KRT25: variants seen among roughly 807,000 people sequenced by gnomAD.
KRT25 encodes the protein keratin, type I cytoskeletal 25.
A neutral mutation model predicts 47.6 loss-of-function variants in KRT25; 37 were observed. The observed-to-expected ratio is 0.78, with a 90% CI of 0.60 to 1.02. KRT25 has a LOEUF of 1.02. Among genes scored for constraint, KRT25 ranks in the 50% least tolerant of loss-of-function variants. The pLI, the probability that KRT25 is intolerant of heterozygous loss-of-function variation, is 0.00. For synonymous variants in KRT25, 203 were observed against 210.2 expected, an observed-to-expected ratio of 0.97 and a Z score of 0.30; for missense variants, 542 against 550.3, an observed-to-expected ratio of 0.98 and a Z score of 0.15.
chr17:40,754,933 G>A lies in KRT25; in HGVS notation c.339C>T (p.Gly113=), dbSNP rs150885868. ...ANADLEQKIK[G]WYEKFGPGSC... ...AGCCAGGCCCAAATTTCTCATACCAGCCCTTGATCTTCTGCTCCAGGTCAG... is the reference window on the plus strand; with the variant it reads ...AGCCAGGCCCAAATTTCTCATACCAACCCTTGATCTTCTGCTCCAGGTCAG... The change falls in exon 1 of 8, where the codon GGC becomes GGT. Residue 113 remains glycine, a synonymous_variant. Coordinates refer to ENST00000312150, the MANE Select transcript of KRT25 (RefSeq NM_181534.4). 832 of 1,614,134 alleles carry A rather than the reference G, an allele frequency of 5.2e-4. No homozygotes were observed. The highest frequency in any genetic ancestry group is 8.0e-4 in the Admixed American group (48 of 60,022).
In KRT25 at chr17:40,754,490, T is replaced by C. The variant is rs1014891450; in HGVS notation, c.430-22A>G. The C allele has an allele frequency of 3.8e-6, 6 of 1,597,952 alleles. No homozygotes were observed. The South Asian group carries it at 6.6e-5, about 18-fold the overall frequency. ...TGATCTAGAAATGGGAATTTGACTT[T>C]TATCATGAAGTAAACCAACTGAATC... On this transcript the variant is annotated intron_variant, in intron 1 of 7. Transcript: ENST00000312150.
In KRT25 at chr17:40,754,383, T is replaced by C; in HGVS notation, c.512+3A>G. On this transcript the variant is annotated splice_donor_region_variant and intron_variant, in intron 2 of 7. Coordinates refer to ENST00000312150, the MANE Select transcript of KRT25 (RefSeq NM_181534.4). Reference sequence around the variant, plus strand: ...ATTCATTTCACTCTGGCAGTCTACTTACTTGAGTCTGAAATCATCAGCTGT... The same window carrying C: ...ATTCATTTCACTCTGGCAGTCTACTCACTTGAGTCTGAAATCATCAGCTGT... The C allele has an allele frequency of 1.2e-6, 2 of 1,611,486 alleles. No homozygotes were observed. The highest frequency in any genetic ancestry group is 2.2e-5 in the South Asian group (2 of 90,998).
At chr17:40,748,446 C>T (rs763749392) in intron 7 of KRT25, 60 bp from the exon 8 acceptor site, 56 of 1,083,004 alleles carry the variant, frequency 5.2e-5, no homozygotes, top group Middle Eastern at 2.4e-4. Flanking sequence ...AAAATTATAT[C>T]ATTTAAAGGA....
At position 40,751,446 on chromosome 17, in the gene KRT25, C is replaced by T. The variant is rs1166465723; in HGVS notation, c.670-120G>A. ...TTCCCCTCCCAGGCTGTGCATTGAC[C>T]CCCTCCCACCACATTTGATACTTCC... On this transcript the variant is annotated intron_variant, in intron 3 of 7. Transcript: ENST00000312150. The T allele has an allele frequency of 2.9e-6, 3 of 1,048,968 alleles. No homozygotes were observed. In the Admixed American group the frequency reaches 8.8e-5, roughly 31 times the overall value. 65.0% of individuals were successfully genotyped at this position (1,048,968 alleles called of 1,614,324 possible).
At chr17:40,750,357 T>A (rs761614189) in intron 6 of KRT25, 23 bp downstream of exon 6, 14 of 1,611,060 alleles carry the variant, frequency 8.7e-6, no homozygotes, top group Non-Finnish European at 1.2e-5. Flanking sequence ...TATTACGCCA[T>A]CTATGCAGAT....
At position 40,754,465 on chromosome 17, in the gene KRT25, T is replaced by A; in HGVS notation, c.433A>T (p.Ile145Phe). The change falls in exon 2 of 8, where the codon ATC (isoleucine) becomes TTC (phenylalanine). Residue 145 changes from isoleucine (I) to phenylalanine (F), a missense_variant. Transcript: ENST00000312150. The part of the protein sequence containing the change: ...PIIDDLKNQI[I>F]ASTTSNANAV... Reference sequence around the variant, plus strand: ...TTAGCATTGCTGGTGGTGGATGCGATGATCTAGAAATGGGAATTTGACTTT... The same window carrying A: ...TTAGCATTGCTGGTGGTGGATGCGAAGATCTAGAAATGGGAATTTGACTTT... The A allele has an allele frequency of 1.9e-6, 3 of 1,613,538 alleles. No individual in the cohort carries two copies. The highest frequency in any genetic ancestry group is 2.5e-6 in the Non-Finnish European group (3 of 1,179,518).
chr17:40,750,232 C>T, intron 6 of KRT25, 148 bp downstream of exon 6: 1 of 751,122 alleles, frequency 1.3e-6, no homozygotes, highest in Non-Finnish European at 2.2e-6. Context: ...TGTATTTTGG[C>T]AGTTGAGTAT....
intron 5 of KRT25, 129 bp downstream of exon 5, chr17:40,750,825 T>G (rs2038039117): frequency 7.6e-7 from 1 of 1,312,354 alleles, no homozygotes; most frequent in Non-Finnish European, 1.1e-6. Context: ...TACAATCCTA[T>G]TCTTTCCTTA....
chr17:40,748,374 G>A lies in KRT25; in HGVS notation c.1256C>T (p.Ala419Val), dbSNP rs1487777777. 1 of 1,609,802 alleles carries A rather than the reference G, an allele frequency of 6.2e-7. No homozygotes were observed. Among genetic ancestry groups the A allele is most frequent in the African/African-American group, 1.3e-5 (1 of 74,848 alleles). The part of the protein sequence containing the change: ...VGSQVKDPAK[A>V]IVVKKVLEEV... The stretch of plus-strand genomic sequence containing the variant: ...CTCAAGAACTTTCTTAACCACTATG[G>A]CTTTGGCTGGGTCTGAGCATTAAAA... The change falls in exon 8 of 8, where the codon GCC becomes GTC. Residue 419 changes from alanine (A) to valine (V), a missense_variant. Transcript: ENST00000312150.
In KRT25 at chr17:40,753,860, C is replaced by A; in HGVS notation, c.669G>T (p.Glu223Asp). The A allele has an allele frequency of 6.2e-7, 1 of 1,613,854 alleles. No individual in the cohort carries two copies. Among genetic ancestry groups the A allele is most frequent in the Non-Finnish European group, 8.5e-7 (1 of 1,179,900 alleles). ...EMTYLKKNHK[E>D]EMQVLQCAAG... is the part of the protein sequence containing the mutation. ...CAAAATGTAGACGACCAGCTCTTAC[C>A]TCTTTATGGTTCTTTTTGAGGTAAG... Residue 223 changes from glutamate (E) to aspartate (D), a missense_variant and splice_region_variant, in exon 3 of 8, where the codon GAG (glutamate) becomes GAT (aspartate). Coordinates refer to ENST00000312150, the MANE Select transcript of KRT25 (RefSeq NM_181534.4).
At position 40,750,573 on chromosome 17, in the gene KRT25, T is replaced by C. The variant is rs774691710; in HGVS notation, c.982A>G (p.Thr328Ala). The stretch of plus-strand genomic sequence containing the variant: ...GCACAGTAGTTGCTCTCGGTCTCTG[T>C]CAAGGAGCACTCCAGGGAGTGTTTC... ...ATKHSLECSL[T>A]ETESNYCAQL... is the part of the protein sequence containing the mutation. The change falls in exon 6 of 8, where the codon ACA (threonine) becomes GCA (alanine). Residue 328 changes from threonine (T) to alanine (A), a missense_variant. Transcript: ENST00000312150. 3 of 1,614,078 alleles carry C rather than the reference T, an allele frequency of 1.9e-6. No homozygotes were observed. The highest frequency in any genetic ancestry group is 1.1e-5 in the South Asian group (1 of 91,078).
rs191470174 is a variant in KRT25, at chr17:40,748,436, A to C, written c.1244-50T>G. 5.2e-4 allele frequency: 619 copies of C among 1,188,110 alleles called. 1 individual carries two copies. The African/African-American group carries it at 8.7e-3, about 17-fold the overall frequency. The allele number at this position is 1,188,110 out of a possible 1,614,324, so 73.6% of individuals were successfully genotyped here. Reference sequence around the variant, plus strand: ...ATTTTATGTAGTTAAAAAAAGAATAAAAATTATATCATTTAAAGGAATAAT... The same window carrying C: ...ATTTTATGTAGTTAAAAAAAGAATACAAATTATATCATTTAAAGGAATAAT... On this transcript the variant is annotated intron_variant, in intron 7 of 7. Coordinates refer to ENST00000312150, the MANE Select transcript of KRT25 (RefSeq NM_181534.4).
chr17:40,750,942 T>G lies in KRT25; in HGVS notation c.957+12A>C, dbSNP rs2038040110. The G allele has an allele frequency of 1.2e-6, 2 of 1,613,086 alleles. No homozygotes were observed. The highest frequency in any genetic ancestry group is 1.7e-5 in the Admixed American group (1 of 59,902). ...CCTGGGAGATGGTGAAAAAAAATTG[T>G]TCTTTTCATACCGTGGCTAGGAGAG... On this transcript the variant is annotated intron_variant, in intron 5 of 7. Coordinates refer to ENST00000312150, the MANE Select transcript of KRT25 (RefSeq NM_181534.4).
Position 40,751,300 on chromosome 17 carries a change from A to C in KRT25, c.696T>G (p.Ala232=). The change falls in exon 4 of 8, where the codon GCT becomes GCG. Residue 232 remains alanine (A), a synonymous_variant. Coordinates refer to ENST00000312150, the MANE Select transcript of KRT25 (RefSeq NM_181534.4). ...KEEMQVLQCA[A]GGNVNVEMNA... is the part of the protein sequence containing the mutation. ...TCATCTCCACGTTCACGTTGCCTCC[A>C]GCTGCGCACTGCAGAACTTGCATTT... 1 of 1,613,356 alleles carries C rather than the reference A, an allele frequency of 6.2e-7. No individual in the cohort carries two copies. Among genetic ancestry groups the C allele is most frequent in the Non-Finnish European group, 8.5e-7 (1 of 1,179,670 alleles).
At chr17:40,751,440 A>G (rs1050091135) in intron 3 of KRT25, 114 bp from the exon 4 acceptor site, 5 of 1,148,214 alleles carry the variant, frequency 4.4e-6, no homozygotes, top group Admixed American at 2.9e-5. Flanking sequence ...CAGGCTGTGC[A>G]TTGACCCCCT....
intron 2 of KRT25, 122 bp downstream of exon 2, chr17:40,754,264 T>C (rs2144129668): frequency 2.3e-6 from 2 of 874,168 alleles, no homozygotes; most frequent in Non-Finnish European, 3.6e-6. Flanking sequence ...CATAAAAAAG[T>C]AATAACATCC....
intron 5 of KRT25, 149 bp downstream of exon 5, chr17:40,750,805 G>C (rs2038038903): frequency 9.1e-6 from 11 of 1,207,616 alleles, no homozygotes; most frequent in African/African-American, 3.1e-5. Flanking sequence ...GTAGTTTTAG[G>C]TGTCAGCTAT....
Position 40,754,961 on chromosome 17 carries a change from T to C in KRT25, c.311A>G (p.Asn104Ser), listed in dbSNP as rs931077419. Residue 104 changes from asparagine (N) to serine (S), a missense_variant, in exon 1 of 8, where the codon AAC becomes AGC. Transcript: ENST00000312150. ...LDSVHALEEANADLEQKIKGW... is the reference protein window; with the variant it reads ...LDSVHALEEASADLEQKIKGW... The stretch of plus-strand genomic sequence containing the variant: ...CTTGATCTTCTGCTCCAGGTCAGCG[T>C]TGGCCTCCTCCAGAGCATGCACACT... The C allele has an allele frequency of 3.1e-6, 5 of 1,614,174 alleles. No individual in the cohort carries two copies. The highest frequency in any genetic ancestry group is 2.2e-5 in the East Asian group (1 of 44,876).
intron 7 of KRT25, among the ~76,000 whole-genome samples, chr17:40,748,772 T>C (rs1480893333): frequency 6.6e-6 from 1 of 152,206 alleles, no homozygotes; most frequent in East Asian, 1.9e-4. Flanking sequence ...GAATGTTCAT[T>C]GCAGCATTAT....
Sources: gnomAD v4.1 joint callset for allele counts (sites outside exome capture counted in the v4.1 genomes callset) on GRCh38, gnomAD v4.1.1 for gene constraint, MANE v1.5 for transcripts, NCBI Gene and HGNC (gene_info 2026-07-23, HGNC 2026-07-21) for gene names.